NFAT5: variants seen among roughly 807,000 people sequenced by gnomAD.
NFAT5 encodes the protein nuclear factor of activated T cells 5, also known as nuclear factor of activated T-cells 5.
Under a neutral mutation model 166.5 loss-of-function variants are expected in NFAT5, and 31 were observed. The ratio of observed to expected loss-of-function variants is 0.19; its 90% CI spans 0.14 to 0.25. The LOEUF (loss-of-function observed/expected upper bound fraction) is 0.25, where lower values mean the gene tolerates loss of function less well. Ranked by LOEUF, NFAT5 falls within the 10% of genes least tolerant of loss-of-function variation. NFAT5 has a pLI of 1.00. For synonymous variants in NFAT5, 612 were observed against 639.7 expected (o/e 0.96, Z 0.65); for missense variants, 1,449 against 1,821.8 (o/e 0.80, Z 3.72).
At position 69,700,227 on chromosome 16, in the gene NFAT5, G is replaced by A. The variant is rs2037875001; in HGVS notation, c.*3876G>A. 2 of 146,954 alleles carry A rather than the reference G, an allele frequency of 1.4e-5. No homozygotes were observed. The highest frequency in any genetic ancestry group is 3.0e-5 in the Non-Finnish European group (2 of 66,964). 9.1% of individuals were successfully genotyped at this position (146,954 alleles called of 1,614,324 possible). A position where few individuals can be genotyped will look rare whatever the true frequency, so the allele number is the denominator to read the frequency against. ...TCCTTTCTTCCATTCATCCTTCCTT[G>A]CCTTTTATTTTTATTTTTTGTAATA... On this transcript the variant is annotated 3_prime_UTR_variant, in exon 15 of 15. Coordinates refer to ENST00000349945, the MANE Select transcript of NFAT5 (RefSeq NM_138713.4).
At chr16:69,568,647 A>G in intron 2 of NFAT5, 99 bp downstream of exon 2, 1 of 913,200 alleles carries the variant, frequency 1.1e-6, no homozygotes, top group Non-Finnish European at 1.7e-6. Flanking sequence ...GCAAACTCAC[A>G]CAATGTAGTT....
intron 2 of NFAT5, among the ~76,000 whole-genome samples, chr16:69,604,730 C>G (rs1265065609): frequency 6.6e-6 from 1 of 152,164 alleles, no homozygotes; most frequent in African/African-American, 2.4e-5. Context: ...TTCAATCTCC[C>G]CTGCCCGCCA....
intron 2 of NFAT5, among the ~76,000 whole-genome samples, chr16:69,616,994 G>C (rs1009363928): frequency 1.3e-5 from 2 of 150,444 alleles, no homozygotes; most frequent in African/African-American, 2.5e-5. Context: ...ACCCAGGCTG[G>C]AGTAAGTGGC....
chr16:69,615,566 A>G (rs143003040), intron 2 of NFAT5, among the ~76,000 whole-genome samples: 172 of 152,272 alleles, frequency 1.1e-3, no homozygotes, highest in Non-Finnish European at 1.3e-3. Flanking sequence ...GTACACACAC[A>G]CACAGGTATA....
Position 69,693,369 on chromosome 16 carries a change from C to A in NFAT5, c.3544C>A (p.Pro1182Thr), listed in dbSNP as rs1335904965. ...TVAQEAFFAA[P>T]NSISPLQSTS... ...AGCCCAAGAAGCATTTTTTGCAGCA[C>A]CGAACTCAATTTCTCCACTTCAGTC... is the stretch of plus-strand genomic sequence containing the variant. The change falls in exon 13 of 15, where the codon CCG (proline) becomes ACG (threonine). Residue 1182 changes from proline to threonine, a missense_variant. Around this residue, in one of 7 missense-constraint regions of NFAT5, gnomAD observed 891 missense variants for 993.0 expected, o/e 0.90. Transcript: ENST00000349945. 2 of 1,614,002 alleles carry A rather than the reference C, an allele frequency of 1.2e-6. No individual in the cohort carries two copies. Among genetic ancestry groups the A allele is most frequent in the East Asian group, 2.2e-5 (1 of 44,904 alleles).
chr16:69,642,568 C>T (rs1336580599), intron 3 of NFAT5, among the ~76,000 whole-genome samples: 2 of 152,054 alleles, frequency 1.3e-5, no homozygotes, highest in Non-Finnish European at 2.9e-5. Flanking sequence ...TACCTGTAAT[C>T]CCAGCACTTT....
intron 5 of NFAT5, among the ~76,000 whole-genome samples, chr16:69,654,364 T>TC (rs1460967294): frequency 2.0e-5 from 3 of 152,198 alleles, no homozygotes; most frequent in African/African-American, 7.2e-5. Context: ...AAACTCTGGA[T>TC]CAATCAGGAA....
At chr16:69,668,445 G>T (rs1365902129) in intron 7 of NFAT5, among the ~76,000 whole-genome samples, 1 of 152,038 alleles carries the variant, frequency 6.6e-6, no homozygotes, top group Non-Finnish European at 1.5e-5. Context: ...GAATTTCTTT[G>T]CATATACATA....
intron 2 of NFAT5, among the ~76,000 whole-genome samples, chr16:69,603,238 A>G (rs1192043966): frequency 6.6e-6 from 1 of 152,148 alleles, no homozygotes; most frequent in African/African-American, 2.4e-5. Context: ...TATCACCTTT[A>G]TATCTCCCTT....
rs915406839 is a variant in NFAT5, at chr16:69,660,026, T to C, written c.1369+127T>C. 4 of 817,854 alleles carry C rather than the reference T, an allele frequency of 4.9e-6. No individual in the cohort carries two copies. In the Admixed American group the frequency reaches 9.0e-5, roughly 18 times the overall value. 50.7% of individuals were successfully genotyped at this position (817,854 alleles called of 1,614,324 possible). Reference sequence around the variant, plus strand: ...TTGTGATCATGCAAAATTTGAAATATTTTAAAAGCAGTAGTCAGATTTTCT... The same window carrying C: ...TTGTGATCATGCAAAATTTGAAATACTTTAAAAGCAGTAGTCAGATTTTCT... On this transcript the variant is annotated intron_variant, in intron 7 of 14. Coordinates refer to ENST00000349945, the MANE Select transcript of NFAT5 (RefSeq NM_138713.4).
rs2037603706 is a variant in NFAT5 at position 69,692,845 on chromosome 16, A to G, written c.3020A>G (p.Asp1007Gly). The change falls in exon 13 of 15, where the codon GAT (aspartate) becomes GGT (glycine). Residue 1007 changes from aspartate (D) to glycine (G), a missense_variant. Coordinates refer to ENST00000349945, the MANE Select transcript of NFAT5 (RefSeq NM_138713.4). ...ATGTTTCAGACATCAAGTTCAGGAG[A>G]TGGAGAAGAAACTGGAACACAAGCA... The part of the protein sequence containing the change: ...TTMFQTSSSG[D>G]GEETGTQAKQ... The G allele has an allele frequency of 1.2e-6, 2 of 1,614,236 alleles. No homozygotes were observed. The highest frequency in any genetic ancestry group is 1.7e-6 in the Non-Finnish European group (2 of 1,180,040).
In NFAT5 at chr16:69,574,509, A is replaced by G. The variant is rs780637372; in HGVS notation, c.127+5961A>G. Among the ~76,000 whole-genome samples, 11 of 152,320 alleles carry G rather than the reference A, an allele frequency of 7.2e-5. No homozygotes were observed. The East Asian group carries it at 7.7e-4, about 11-fold the overall frequency. ...GAGTGAAAAGGTAGAGATTTCCTCT[A>G]TGAGTTAACTACAGATAATGGATCT... On this transcript the variant is annotated intron_variant, in intron 2 of 14. Coordinates refer to ENST00000349945, the MANE Select transcript of NFAT5 (RefSeq NM_138713.4).
chr16:69,597,873 G>A (rs540802059), intron 2 of NFAT5, among the ~76,000 whole-genome samples: 10 of 152,244 alleles, frequency 6.6e-5, no homozygotes, highest in Admixed American at 2.0e-4. Flanking sequence ...GATTACAGGC[G>A]TGAGCCACCA....
Position 69,671,485 on chromosome 16 carries a change from C to G in NFAT5, c.1557+1197C>G, listed in dbSNP as rs575556891. 9.5e-4 allele frequency among the ~76,000 whole-genome samples: 144 copies of G among 152,340 alleles called. 2 individuals are homozygous for G. Among genetic ancestry groups the G allele is most frequent in the African/African-American group, 3.3e-3 (139 of 41,572 alleles). On this transcript the variant is annotated intron_variant, in intron 9 of 14. Transcript: ENST00000349945. ...TCCCTGGTTCAAGCAATTCTCCTGT[C>G]TCAGCCTCCTGAGTAACTGGGACTA...
intron 3 of NFAT5, among the ~76,000 whole-genome samples, chr16:69,642,727 G>GA (rs1277894568): frequency 6.6e-6 from 1 of 151,736 alleles, no homozygotes; most frequent in Non-Finnish European, 1.5e-5. Flanking sequence ...TAAGGCAGGA[G>GA]AATCGTTTGA....
chr16:69,653,462 A>C, intron 5 of NFAT5, 34 bp downstream of exon 5: 1 of 1,317,124 alleles, frequency 7.6e-7, no homozygotes, highest in Non-Finnish European at 1.0e-6. Context: ...AATTTTAGTT[A>C]AAATGTAAAG....
chr16:69,579,050 A>G (rs2031493206), intron 2 of NFAT5, among the ~76,000 whole-genome samples: 1 of 151,910 alleles, frequency 6.6e-6, no homozygotes, highest in South Asian at 2.1e-4. Flanking sequence ...AACTTTTTAT[A>G]TTTTTAGTAG....
At chr16:69,676,631 C>G (rs1422352147) in intron 9 of NFAT5, among the ~76,000 whole-genome samples, 1 of 152,086 alleles carries the variant, frequency 6.6e-6, no homozygotes, top group Admixed American at 6.6e-5. Flanking sequence ...AGCTTACATT[C>G]TTATGTTTGG....
Position 69,692,582 on chromosome 16 carries a change from A to AC in NFAT5, c.2758dup (p.Gln920ProfsTer45). ...CAGCCGCAATGGTGATGGAGATGCA[A>AC]CAGAGTATCTGCCAGGCAGCTGCCC... On this transcript the variant is annotated frameshift_variant, in exon 13 of 15. Coordinates refer to ENST00000349945, the MANE Select transcript of NFAT5 (RefSeq NM_138713.4). LOFTEE classifies it high-confidence loss of function. 1 of 1,614,194 alleles carries AC rather than the reference A, an allele frequency of 6.2e-7. No homozygotes were observed. The highest frequency in any genetic ancestry group is 8.5e-7 in the Non-Finnish European group (1 of 1,180,034).
Sources: allele counts gnomAD v4.1 joint callset (sites outside exome capture counted in the v4.1 genomes callset), GRCh38; gene constraint gnomAD v4.1.1; regional missense constraint gnomAD v4.1.1; transcripts MANE v1.5; gene names NCBI Gene and HGNC (gene_info 2026-07-23, HGNC 2026-07-21).